Variants in RUNX1 observed in about 807,000 individuals in gnomAD.
RUNX1 encodes runt-related transcription factor 1.
A neutral mutation model predicts 42.8 loss-of-function variants in RUNX1; 19 were observed. The observed-to-expected ratio is 0.44, with a 90% CI of 0.31 to 0.65. RUNX1 has a LOEUF of 0.65. Among genes scored for constraint, RUNX1 ranks in the 30% least tolerant of loss-of-function variants. RUNX1 has a pLI of 0.07. For synonymous variants in RUNX1, 271 were observed against 289.4 expected (o/e 0.94, Z 0.64); for missense variants, 528 against 672.0 (o/e 0.79, Z 2.37).
chr21:34,915,525 A>G (rs935956912), intron 2 of RUNX1, among the ~76,000 whole-genome samples: 6 of 152,256 alleles, frequency 3.9e-5, no homozygotes, highest in Non-Finnish European at 7.3e-5. Flanking sequence ...CTTTAATTGC[A>G]GAGAATGGTT....
At chr21:34,983,883 A>C (rs1320478484) in intron 2 of RUNX1, among the ~76,000 whole-genome samples, 5 of 152,166 alleles carry the variant, frequency 3.3e-5, no homozygotes, top group Admixed American at 2.0e-4. Flanking sequence ...TTAACTCTGA[A>C]GTTTAGCCCT....
intron 2 of RUNX1, among the ~76,000 whole-genome samples, chr21:34,999,044 G>A (rs903623202): frequency 7.9e-5 from 12 of 152,230 alleles, no homozygotes; most frequent in African/African-American, 2.9e-4. Flanking sequence ...CTGTTCTTAG[G>A]TGAAATAGGT....
chr21:34,792,441 G>C lies in RUNX1; in HGVS notation c.1137C>G (p.Thr379=). 6.3e-7 allele frequency: 1 copy of C among 1,575,516 alleles called. No individual in the cohort carries two copies. Among genetic ancestry groups the C allele is most frequent in the Non-Finnish European group, 8.6e-7 (1 of 1,160,792 alleles). The change falls in exon 9 of 9, where the codon ACC becomes ACG. Residue 379 remains threonine (T), a synonymous_variant. Transcript: ENST00000675419. The surrounding 1 kb of genome is among the most constrained non-coding windows in gnomAD (Gnocchi z 6.9). ...SAMGSATRYH[T]YLPPPYPGSS... is the part of the protein sequence containing the mutation. ...AGCCGGGGTAGGGCGGCGGCAGGTA[G>C]GTGTGGTAGCGCGTGGCCGAGCCCA...
intron 2 of RUNX1, among the ~76,000 whole-genome samples, chr21:35,010,623 A>ACG (rs201407332): frequency 0.012 from 1,701 of 147,540 alleles, 28 homozygotes; most frequent in African/African-American, 0.042. Context: ...GTACACACAC[A>ACG]CGCACACACA....
intron 2 of RUNX1, among the ~76,000 whole-genome samples, chr21:34,967,840 G>T (rs995250096): frequency 6.6e-5 from 10 of 152,156 alleles, no homozygotes; most frequent in Admixed American, 5.9e-4. Context: ...GAAGGGAGTG[G>T]CAATTCATAT....
chr21:34,895,812 G>A (rs1398139269), intron 2 of RUNX1, among the ~76,000 whole-genome samples: 6 of 152,138 alleles, frequency 3.9e-5, no homozygotes, highest in Admixed American at 1.3e-4. Context: ...TTCAACATGC[G>A]GGAAAATTGA....
At chr21:34,999,219 A>T (rs1400284346) in intron 2 of RUNX1, among the ~76,000 whole-genome samples, 1 of 152,202 alleles carries the variant, frequency 6.6e-6, no homozygotes, top group Admixed American at 6.5e-5. Context: ...AGGTTCCTGA[A>T]ATGAAATGAC....
chr21:34,931,563 C>T (rs953396470), intron 2 of RUNX1, among the ~76,000 whole-genome samples: 2 of 116,108 alleles, frequency 1.7e-5, no homozygotes, highest in Admixed American at 8.3e-5. Flanking sequence ...ATGTATATAA[C>T]GTGATATATG....
At chr21:34,887,242 TG>T (rs3833348) in intron 3 of RUNX1, 146 bp from the exon 4 acceptor site, 3,122 of 295,446 alleles carry the variant, frequency 0.011, 21 homozygotes, top group African/African-American at 0.08. Flanking sequence ...CTGCGGGGGG[TG>T]GGGGGGGGCG....
intron 3 of RUNX1, chr21:34,888,628 C>T: frequency 9.5e-7 from 1 of 1,055,140 alleles, no homozygotes; most frequent in Non-Finnish European, 1.1e-6. Context: ...GGCCGGGCAG[C>T]GTGGTGCCCT....
rs78609139 is a variant in RUNX1 at position 34,811,756 on chromosome 21, A to G, written c.806-12294T>C. Reference sequence around the variant, plus strand: ...GGGGCCTTGCCCCACAACTGGAGACATGCCATTCCTGTCTTTACTGTCTGT... The same window carrying G: ...GGGGCCTTGCCCCACAACTGGAGACGTGCCATTCCTGTCTTTACTGTCTGT... On this transcript the variant is annotated intron_variant, in intron 7 of 8. Coordinates refer to ENST00000675419, the MANE Select transcript of RUNX1 (RefSeq NM_001754.5). Among the ~76,000 whole-genome samples, 295 of 152,302 alleles carry G rather than the reference A, an allele frequency of 1.9e-3. 4 individuals carry two copies. In the East Asian group the frequency reaches 0.044, roughly 22 times the overall value.
intron 6 of RUNX1, among the ~76,000 whole-genome samples, chr21:34,845,661 T>C (rs1239925173): frequency 2.0e-5 from 3 of 152,154 alleles, no homozygotes. Flanking sequence ...CAGATTACCC[T>C]GTCTTTTCCC....
chr21:34,830,762 A>G (rs1238745640), intron 7 of RUNX1, among the ~76,000 whole-genome samples: 1 of 152,354 alleles, frequency 6.6e-6, no homozygotes, highest in East Asian at 1.9e-4. Flanking sequence ...GGAATGGAAT[A>G]ATATGTACAA....
rs547123728 is a variant in RUNX1 at position 34,853,290 on chromosome 21, G to A, written c.613+6184C>T. Among the ~76,000 whole-genome samples, 20 of 152,202 alleles carry A rather than the reference G, an allele frequency of 1.3e-4. No individual in the cohort carries two copies. In the East Asian group the frequency reaches 2.9e-3, roughly 22 times the overall value. The stretch of plus-strand genomic sequence containing the variant: ...GGAGGGTACTTCCTGCAGCCCTGCC[G>A]GGGAAAACACTGATTCCCTCCTGTC... On this transcript the variant is annotated intron_variant, in intron 6 of 8. Transcript: ENST00000675419.
At chr21:35,029,615 G>A (rs1362373254) in intron 2 of RUNX1, among the ~76,000 whole-genome samples, 1 of 152,106 alleles carries the variant, frequency 6.6e-6, no homozygotes, top group Non-Finnish European at 1.5e-5. Flanking sequence ...CTTGCCTCAG[G>A]CACCTTCACT....
intron 3 of RUNX1, among the ~76,000 whole-genome samples, chr21:34,890,587 CCT>C (rs2146443865): frequency 6.6e-6 from 1 of 152,310 alleles, no homozygotes; most frequent in South Asian, 2.1e-4. Flanking sequence ...CGGCCTCAAC[CCT>C]CTCCGCCTCC....
intron 2 of RUNX1, among the ~76,000 whole-genome samples, chr21:34,978,035 T>TTCAGCCATTCTCCTGCC (rs1286052225): frequency 6.6e-6 from 1 of 152,092 alleles, no homozygotes; most frequent in Non-Finnish European, 1.5e-5. Flanking sequence ...ATTCTCCTGC[T>TTCAGCCATTCTCCTGCC]TCAGCCATTC....
chr21:34,865,428 T>G (rs912277366), intron 5 of RUNX1, among the ~76,000 whole-genome samples: 4 of 152,128 alleles, frequency 2.6e-5, no homozygotes, highest in African/African-American at 9.7e-5. Flanking sequence ...GGCACAACTG[T>G]GAGTGGCTGA....
At chr21:34,882,635 TA>T (rs2146377096) in intron 4 of RUNX1, among the ~76,000 whole-genome samples, 1 of 152,256 alleles carries the variant, frequency 6.6e-6, no homozygotes, top group African/African-American at 2.4e-5. Flanking sequence ...CTTTTTGTTT[TA>T]AAAAGATATC....
Sources: gnomAD v4.1 joint callset for allele counts (sites outside exome capture counted in the v4.1 genomes callset) on GRCh38, gnomAD v4.1.1 for gene constraint, Gnocchi (gnomAD v3.1) non-coding constraint, MANE v1.5 for transcripts, NCBI Gene and HGNC (gene_info 2026-07-23, HGNC 2026-07-21) for gene names.